The following URB1 variants were observed in gnomAD, a reference collection of about 807,000 sequenced individuals.
The protein encoded by URB1 is URB1 ribosome biogenesis factor, also known as nucleolar pre-ribosomal-associated protein 1.
URB1 carries 197 observed loss-of-function variants against 242.3 expected under a neutral mutation model. The observed-to-expected ratio is 0.81, with a 90% CI of 0.72 to 0.91. The LOEUF (loss-of-function observed/expected upper bound fraction) is 0.91. Ranked by LOEUF, URB1 falls within the 40% of genes least tolerant of loss-of-function variation. URB1 has a pLI of 0.00. For synonymous variants in URB1, 1,153 were observed against 1,201.8 expected, an observed-to-expected ratio of 0.96 and a Z score of 0.84; for missense variants, 2,721 against 2,860.5, an observed-to-expected ratio of 0.95 and a Z score of 1.11.
In URB1 at chr21:32,392,918, A is replaced by G. The variant is rs373827834; in HGVS notation, c.-8T>C. 4.0e-6 allele frequency: 6 copies of G among 1,505,940 alleles called. No homozygotes were observed. The highest frequency in any genetic ancestry group is 5.3e-6 in the Non-Finnish European group (6 of 1,129,976). The allele number at this position is 1,505,940 out of a possible 1,614,324, so 93.3% of individuals were successfully genotyped here. On this transcript the variant is annotated 5_prime_UTR_variant, in exon 1 of 39. Coordinates refer to ENST00000382751, the MANE Select transcript of URB1 (RefSeq NM_014825.3). ...CCTCTTGGGGACCCCCATGGCCGAG[A>G]GGGCGGAAGCGCGACGGAAACGACA... is the stretch of plus-strand genomic sequence containing the variant.
rs2033095319 is a variant in URB1 at position 32,347,088 on chromosome 21, G to GC, written c.3735dup (p.Leu1246AlafsTer67). 2 of 1,550,432 alleles carry GC rather than the reference G, an allele frequency of 1.3e-6. No homozygotes were observed. Among genetic ancestry groups the GC allele is most frequent in the Non-Finnish European group, 1.7e-6 (2 of 1,146,714 alleles). Reference sequence around the variant, plus strand: ...TGCAGGCACCACTGCTCGAACCACAGCAAGTGGGTGCAGCTCTCCTGGAGG... The same window carrying GC: ...TGCAGGCACCACTGCTCGAACCACAGCCAAGTGGGTGCAGCTCTCCTGGAGG... On this transcript the variant is annotated frameshift_variant, in exon 22 of 39. Coordinates refer to ENST00000382751, the MANE Select transcript of URB1 (RefSeq NM_014825.3). LOFTEE classifies it high-confidence loss of function.
chr21:32,325,157 C>G lies in URB1; in HGVS notation c.5121+72G>C, dbSNP rs199752965. 2.3e-5 allele frequency: 34 copies of G among 1,475,426 alleles called. No homozygotes were observed. The East Asian group carries it at 7.8e-4, about 34-fold the overall frequency. The allele number at this position is 1,475,426 out of a possible 1,614,324, so 91.4% of individuals were successfully genotyped here. A position where few individuals can be genotyped will look rare whatever the true frequency, so the allele number is the denominator to read the frequency against. On this transcript the variant is annotated intron_variant, in intron 31 of 38. Coordinates refer to ENST00000382751, the MANE Select transcript of URB1 (RefSeq NM_014825.3). ...TCCCTAGTAAATCCTTCTACCAAAC[C>G]GGGTGGACAGCCAGCTCTCTGAAGT...
intron 33 of URB1, among the ~76,000 whole-genome samples, 158 bp downstream of exon 33, chr21:32,322,320 C>T (rs1006244394): frequency 9.2e-5 from 14 of 152,188 alleles, no homozygotes; most frequent in Non-Finnish European, 1.8e-4. Flanking sequence ...GCCAACAGCA[C>T]GGAGACATTC....
intron 2 of URB1, among the ~76,000 whole-genome samples, chr21:32,384,760 T>C (rs1715867311): frequency 6.6e-6 from 1 of 152,184 alleles, no homozygotes; most frequent in Non-Finnish European, 1.5e-5. Context: ...GGTGGGCAGA[T>C]CACGAGGTCA....
At chr21:32,360,263 T>A (rs2033268698) in intron 13 of URB1, among the ~76,000 whole-genome samples, 1 of 152,150 alleles carries the variant, frequency 6.6e-6, no homozygotes. Context: ...ACAGCAAGCA[T>A]TTTGTGGACA....
At chr21:32,383,666 GA>G in intron 3 of URB1, 112 bp from the exon 4 acceptor site, 6 of 1,120,370 alleles carry the variant, frequency 5.4e-6, no homozygotes, top group Non-Finnish European at 6.8e-6. Context: ...CCCCAAACCA[GA>G]AAAAAAGAAG....
intron 30 of URB1, among the ~76,000 whole-genome samples, chr21:32,327,535 G>A (rs1382882692): frequency 6.6e-6 from 1 of 151,952 alleles, no homozygotes; most frequent in Non-Finnish European, 1.5e-5. Context: ...ATTCTTAAAG[G>A]AAGTATTTTA....
Position 32,316,606 on chromosome 21 carries a change from G to A in URB1, c.6494C>T (p.Pro2165Leu), listed in dbSNP as rs1049294888. 3.9e-6 allele frequency: 6 copies of A among 1,551,410 alleles called. No homozygotes were observed. Among genetic ancestry groups the A allele is most frequent in the Non-Finnish European group, 3.5e-6 (4 of 1,146,994 alleles). The part of the protein sequence containing the change: ...RLCGAEGLAG[P>L]VQEVACLFNT... ...GAACAGGCAGGCCACCTCCTGCACAGGCCCTGCCAGCCCCTCAGCCCCACA... is the reference window on the plus strand; with the variant it reads ...GAACAGGCAGGCCACCTCCTGCACAAGCCCTGCCAGCCCCTCAGCCCCACA... The change falls in exon 38 of 39, where the codon CCT (proline) becomes CTT (leucine). Residue 2165 changes from proline to leucine, a missense_variant. Coordinates refer to ENST00000382751, the MANE Select transcript of URB1 (RefSeq NM_014825.3).
chr21:32,392,832 T>G lies in URB1; in HGVS notation c.79A>C (p.Lys27Gln). The G allele has an allele frequency of 6.5e-7, 1 of 1,533,020 alleles. No individual in the cohort carries two copies. Among genetic ancestry groups the G allele is most frequent in the Non-Finnish European group, 8.7e-7 (1 of 1,145,010 alleles). The allele number at this position is 1,533,020 out of a possible 1,614,324, so 95.0% of individuals were successfully genotyped here. Reference protein sequence around the residue: ...SSAGAAKRARKEELTGVRFKA... With the variant: ...SSAGAAKRARQEELTGVRFKA... ...AACCGCACGCCCGTGAGCTCTTCTT[T>G]GCGGGCGCGCTTGGCTGCACCCGCG... The change falls in exon 1 of 39, where the codon AAA becomes CAA. Residue 27 changes from lysine (K) to glutamine (Q), a missense_variant. Lys to Gln is a moderately conservative substitution (Grantham distance 53, BLOSUM62 1). Coordinates refer to ENST00000382751, the MANE Select transcript of URB1 (RefSeq NM_014825.3).
intron 5 of URB1, among the ~76,000 whole-genome samples, chr21:32,375,791 T>A (rs1048441357): frequency 4.0e-5 from 6 of 151,630 alleles, no homozygotes; most frequent in Non-Finnish European, 7.4e-5. Context: ...AAAAAAAATT[T>A]AAAAATTAGC....
intron 8 of URB1, among the ~76,000 whole-genome samples, chr21:32,371,931 T>C (rs1225608016): frequency 6.6e-6 from 1 of 152,196 alleles, no homozygotes; most frequent in Non-Finnish European, 1.5e-5. Flanking sequence ...TGATGAAATG[T>C]TACCACAATT....
chr21:32,316,416 C>A, intron 38 of URB1, 50 bp downstream of exon 38: 1 of 1,459,444 alleles, frequency 6.9e-7, no homozygotes, highest in Non-Finnish European at 9.1e-7. Context: ...TGCCCCCAGG[C>A]CCACTTCTGC....
chr21:32,331,016 G>A (rs931644150), intron 30 of URB1, among the ~76,000 whole-genome samples: 1 of 152,184 alleles, frequency 6.6e-6, no homozygotes, highest in Non-Finnish European at 1.5e-5. Flanking sequence ...TTCAGAAGTA[G>A]GAGCATTTGT....
At chr21:32,378,016 C>T (rs2033478223) in intron 5 of URB1, among the ~76,000 whole-genome samples, 1 of 152,198 alleles carries the variant, frequency 6.6e-6, no homozygotes, top group Admixed American at 6.5e-5. Flanking sequence ...TCTCTGAAGC[C>T]CTGTTACTGA....
intron 4 of URB1, among the ~76,000 whole-genome samples, chr21:32,379,440 C>T (rs373961064): frequency 1.3e-5 from 2 of 152,232 alleles, no homozygotes; most frequent in African/African-American, 4.8e-5. Flanking sequence ...CAAGTCACTG[C>T]CCCAAAATGC....
rs532595626 is a variant in URB1, at chr21:32,366,497, C to A, written c.1335+121G>T. ...CTACAGCCTCTGTCCTGGAAGCCTC[C>A]GAGGCCCCCTGACAAAACACAATCA... On this transcript the variant is annotated intron_variant, in intron 10 of 38. Transcript: ENST00000382751. The A allele has an allele frequency of 5.0e-6, 7 of 1,395,910 alleles. No individual in the cohort carries two copies. The African/African-American group carries it at 8.7e-5, about 17-fold the overall frequency. 86.5% of individuals were successfully genotyped at this position (1,395,910 alleles called of 1,614,324 possible).
chr21:32,375,664 G>A (rs1414150010), intron 5 of URB1, among the ~76,000 whole-genome samples, 181 bp from the exon 6 acceptor site: 1 of 151,708 alleles, frequency 6.6e-6, no homozygotes, highest in East Asian at 1.9e-4. Context: ...AAATCAAGAA[G>A]CCAGGCAGAG....
chr21:32,375,548 A>C, intron 5 of URB1, 65 bp from the exon 6 acceptor site: 1 of 994,304 alleles, frequency 1.0e-6, no homozygotes, highest in Non-Finnish European at 1.5e-6. Flanking sequence ...AGACGAGAGA[A>C]TATTACTGTT....
In URB1 at chr21:32,347,147, C is replaced by T. The variant is rs1191698287; in HGVS notation, c.3677G>A (p.Arg1226His). 9.0e-6 allele frequency: 14 copies of T among 1,548,782 alleles called. No homozygotes were observed. Among genetic ancestry groups the T allele is most frequent in the Middle Eastern group, 1.7e-4 (1 of 5,888 alleles). Reference protein sequence around the residue: ...ADLLDYCLARRTQAALSIAAL... With the variant: ...ADLLDYCLARHTQAALSIAAL... ...AGCGATGCTGAGGGCCGCCTGTGTG[C>T]GCCGGGCCAGGCAGTAGTCAAGCAG... The change falls in exon 22 of 39, where the codon CGC becomes CAC. Residue 1226 changes from arginine to histidine, a missense_variant. Arg to His is a conservative substitution (Grantham distance 29). Coordinates refer to ENST00000382751, the MANE Select transcript of URB1 (RefSeq NM_014825.3).
Sources: gnomAD v4.1 joint callset for allele counts (sites outside exome capture counted in the v4.1 genomes callset) on GRCh38, gnomAD v4.1.1 for gene constraint, MANE v1.5 for transcripts, NCBI Gene and HGNC (gene_info 2026-07-23, HGNC 2026-07-21) for gene names.